Variants in HSDL2 observed in about 807,000 individuals in gnomAD.
The protein encoded by HSDL2 is hydroxysteroid dehydrogenase like 2.
Under a neutral mutation model 46.3 loss-of-function variants are expected in HSDL2, and 27 were observed. The observed-to-expected ratio is 0.58, with a 90% CI of 0.43 to 0.80. The LOEUF (loss-of-function observed/expected upper bound fraction) is 0.80, where lower values mean the gene tolerates loss of function less well. HSDL2 is among the 30% of genes least tolerant of loss of function. HSDL2 has a pLI of 0.00. For synonymous variants in HSDL2, 153 were observed against 163.6 expected (o/e 0.94, Z 0.50); for missense variants, 451 against 502.7 (o/e 0.90, Z 0.98).
intron 6 of HSDL2, among the ~76,000 whole-genome samples, chr9:112,422,120 T>C (rs1459438293): frequency 6.6e-6 from 1 of 152,118 alleles, no homozygotes; most frequent in African/African-American, 2.4e-5. Flanking sequence ...ATAGATTCAG[T>C]GACTGGTATA....
intron 6 of HSDL2, among the ~76,000 whole-genome samples, chr9:112,422,422 T>C (rs998918935): frequency 6.6e-6 from 1 of 152,158 alleles, no homozygotes; most frequent in African/African-American, 2.4e-5. Flanking sequence ...GATTGAAATA[T>C]AATATGAAAA....
chr9:112,390,107 AAT>A (rs1200518949), intron 1 of HSDL2, among the ~76,000 whole-genome samples: 1 of 151,168 alleles, frequency 6.6e-6, no homozygotes, highest in Admixed American at 6.6e-5. Context: ...TAAAGTAAAA[AAT>A]AAAATAAAAT....
At chr9:112,450,258 C>CT in intron 8 of HSDL2, among the ~76,000 whole-genome samples, 4 of 12,458 alleles carry the variant, frequency 3.2e-4, no homozygotes, top group African/African-American at 2.5e-3. Flanking sequence ...AGCGAGACCC[C>CT]CCCCCCATCT....
chr9:112,448,460 C>G (rs1832795779), intron 8 of HSDL2, among the ~76,000 whole-genome samples: 1 of 152,098 alleles, frequency 6.6e-6, no homozygotes, highest in African/African-American at 2.4e-5. Context: ...AAACTTGTTA[C>G]ATTTTAAATA....
In HSDL2 at chr9:112,446,500, A is replaced by G. The variant is rs554844066; in HGVS notation, c.865+4730A>G. The stretch of plus-strand genomic sequence containing the variant: ...TTTAACAATAGCCAGGCGTGGTGGT[A>G]TGTACCTGTGGTCTCAGGTACTTGG... On this transcript the variant is annotated intron_variant, in intron 8 of 10. Coordinates refer to ENST00000398805, the MANE Select transcript of HSDL2 (RefSeq NM_032303.5). Among the ~76,000 whole-genome samples, 17 of 152,256 alleles carry G rather than the reference A, an allele frequency of 1.1e-4. No individual in the cohort carries two copies. The South Asian group carries it at 3.1e-3, about 28-fold the overall frequency.
At chr9:112,380,210 A>G in intron 1 of HSDL2, 30 bp downstream of exon 1, 4 of 1,531,504 alleles carry the variant, frequency 2.6e-6, no homozygotes, top group African/African-American at 1.4e-5. Flanking sequence ...GCGGGGAGAG[A>G]CCCTGTCGGG....
intron 10 of HSDL2, among the ~76,000 whole-genome samples, chr9:112,468,383 A>G (rs1053559010): frequency 3.9e-5 from 6 of 152,180 alleles, no homozygotes; most frequent in African/African-American, 1.2e-4. Flanking sequence ...TATTACACAT[A>G]TATTTGTATA....
At chr9:112,444,424 T>G (rs932044780) in intron 8 of HSDL2, among the ~76,000 whole-genome samples, 3 of 29,460 alleles carry the variant, frequency 1.0e-4, no homozygotes, top group African/African-American at 6.2e-4. Context: ...ATTGATGGGT[T>G]TTTTTTTTCT....
At chr9:112,441,877 T>A (rs968482826) in intron 8 of HSDL2, 107 bp downstream of exon 8, 5 of 686,610 alleles carry the variant, frequency 7.3e-6, no homozygotes, top group African/African-American at 5.4e-5. Context: ...GCCTTCTGTT[T>A]TTAAACTGTT....
intron 8 of HSDL2, among the ~76,000 whole-genome samples, chr9:112,447,273 A>G (rs1239235822): frequency 6.6e-6 from 1 of 152,026 alleles, no homozygotes; most frequent in Non-Finnish European, 1.5e-5. Context: ...CACCTTTAAA[A>G]TCTATCACAG....
At chr9:112,459,991 C>CA (rs1833155390) in intron 10 of HSDL2, among the ~76,000 whole-genome samples, 1 of 152,196 alleles carries the variant, frequency 6.6e-6, no homozygotes, top group Admixed American at 6.5e-5. Flanking sequence ...ATAGGAAACA[C>CA]ATACCAGCCC....
chr9:112,449,144 TG>T lies in HSDL2; in HGVS notation c.866-4867del, dbSNP rs576688813. Among the ~76,000 whole-genome samples, 23 of 147,954 alleles carry T rather than the reference TG, an allele frequency of 1.6e-4. No individual in the cohort carries two copies. The East Asian group carries it at 3.9e-3, about 25-fold the overall frequency. On this transcript the variant is annotated intron_variant, in intron 8 of 10. Coordinates refer to ENST00000398805, the MANE Select transcript of HSDL2 (RefSeq NM_032303.5). ...CTCTGTCTCCCAGGCTGGAGCGCAGTGGCACGATCTCGGCTCACTGCAACCC... is the reference window on the plus strand; with the variant it reads ...CTCTGTCTCCCAGGCTGGAGCGCAGTGCACGATCTCGGCTCACTGCAACCC...
intron 1 of HSDL2, among the ~76,000 whole-genome samples, chr9:112,384,252 A>C (rs1339224022): frequency 6.8e-6 from 1 of 147,284 alleles, no homozygotes; most frequent in East Asian, 1.9e-4. Flanking sequence ...TTAGCTCTTC[A>C]TCAGCAAGTT....
At chr9:112,433,442 C>T (rs761080434) in intron 6 of HSDL2, among the ~76,000 whole-genome samples, 1 of 152,010 alleles carries the variant, frequency 6.6e-6, no homozygotes, top group Admixed American at 6.5e-5. Flanking sequence ...TGAATTTTAA[C>T]CTATATTCAG....
At chr9:112,445,738 G>C (rs1344111803) in intron 8 of HSDL2, among the ~76,000 whole-genome samples, 3 of 152,058 alleles carry the variant, frequency 2.0e-5, no homozygotes, top group African/African-American at 7.2e-5. Context: ...TAGCCAGTCT[G>C]GTCTCAAACT....
At chr9:112,386,399 C>A (rs548104563) in intron 1 of HSDL2, among the ~76,000 whole-genome samples, 1 of 151,890 alleles carries the variant, frequency 6.6e-6, no homozygotes, top group Non-Finnish European at 1.5e-5. Context: ...ATGATATTAT[C>A]CTGCACAGAA....
intron 10 of HSDL2, among the ~76,000 whole-genome samples, chr9:112,462,645 A>G (rs1051412627): frequency 1.3e-5 from 2 of 150,166 alleles, no homozygotes; most frequent in Non-Finnish European, 3.0e-5. Context: ...TGTGTGTATA[A>G]AACATTGAGC....
chr9:112,401,217 T>G (rs1298423294), intron 1 of HSDL2, among the ~76,000 whole-genome samples: 1 of 152,088 alleles, frequency 6.6e-6, no homozygotes, highest in East Asian at 1.9e-4. Context: ...ATCCCAGCAC[T>G]TTGGGAAGCC....
intron 7 of HSDL2, among the ~76,000 whole-genome samples, chr9:112,441,307 T>C (rs1832632928): frequency 1.3e-5 from 2 of 152,136 alleles, no homozygotes; most frequent in Admixed American, 1.3e-4. Flanking sequence ...AGTGCACTAA[T>C]GCTGAGAAGA....
Sources: gnomAD v4.1 joint callset for allele counts (sites outside exome capture counted in the v4.1 genomes callset) on GRCh38, gnomAD v4.1.1 for gene constraint, MANE v1.5 for transcripts, NCBI Gene and HGNC (gene_info 2026-07-23, HGNC 2026-07-21) for gene names.